Variants in VDAC1 observed in about 807,000 individuals in gnomAD.
VDAC1 encodes the protein non-selective voltage-gated ion channel VDAC1.
In VDAC1, 10 loss-of-function variants were observed where a neutral mutation model predicts 34.7. The ratio of observed to expected loss-of-function variants is 0.29; its 90% CI spans 0.18 to 0.49. The LOEUF (loss-of-function observed/expected upper bound fraction) is 0.49, where lower values mean the gene tolerates loss of function less well. Among genes scored for constraint, VDAC1 ranks in the 20% least tolerant of loss-of-function variants. VDAC1 has a pLI of 0.99. For synonymous variants in VDAC1, 130 were observed against 136.0 expected (o/e 0.96, Z 0.30); for missense variants, 230 against 347.9 (o/e 0.66, Z 2.69).
At chr5:134,066,682 T>C in the VDAC1 span, among the ~76,000 whole-genome samples, 1 of 152,232 alleles carries the variant, frequency 6.6e-6, no homozygotes, top group African/African-American at 2.4e-5. Flanking sequence ...TGCTCTGTCA[T>C]CTTCAATACA....
At chr5:134,020,194 G>C in the VDAC1 span, among the ~76,000 whole-genome samples, 6 of 151,928 alleles carry the variant, frequency 3.9e-5, no homozygotes, top group Admixed American at 1.3e-4. Flanking sequence ...CCAAGCCACA[G>C]ATAAAGCCTT....
At chr5:134,071,465 A>G in the VDAC1 span, among the ~76,000 whole-genome samples, 1 of 151,762 alleles carries the variant, frequency 6.6e-6, no homozygotes, top group African/African-American at 2.4e-5. The surrounding 1 kb of genome is among the most constrained non-coding windows in gnomAD (Gnocchi z 4.1). Context: ...CACGCCTCCA[A>G]CCCACCCTGT....
At chr5:134,001,715 TAA>T (rs10717143) in intron 1 of VDAC1, among the ~76,000 whole-genome samples, 1,903 of 110,422 alleles carry the variant, frequency 0.017, 47 homozygotes, top group African/African-American at 0.061. Flanking sequence ...AGACTCCATC[TAA>T]AAAAAAAAAA....
the VDAC1 span, among the ~76,000 whole-genome samples, chr5:134,034,685 T>C: frequency 7.2e-5 from 11 of 152,088 alleles, no homozygotes; most frequent in South Asian, 2.1e-4. Flanking sequence ...TGGTAACTTG[T>C]GCGGCCCTGG....
the VDAC1 span, among the ~76,000 whole-genome samples, chr5:134,112,009 G>C: frequency 2.0e-5 from 3 of 152,226 alleles, no homozygotes; most frequent in East Asian, 5.8e-4. Flanking sequence ...CTGGCACATA[G>C]TAATCACTCA....
chr5:134,100,714 T>A, the VDAC1 span, among the ~76,000 whole-genome samples: 1 of 152,216 alleles, frequency 6.6e-6, no homozygotes. Context: ...TCTGTTTCAC[T>A]CCTTTAAAAA....
At chr5:133,988,595 C>A (rs1237899603) in intron 5 of VDAC1, among the ~76,000 whole-genome samples, 1 of 151,980 alleles carries the variant, frequency 6.6e-6, no homozygotes, top group African/African-American at 2.4e-5. Flanking sequence ...AAACCCCCGT[C>A]TCCACTAAAA....
At chr5:134,093,304 T>A in the VDAC1 span, among the ~76,000 whole-genome samples, 1 of 152,042 alleles carries the variant, frequency 6.6e-6, no homozygotes, top group Non-Finnish European at 1.5e-5. Flanking sequence ...ATTGGGAGTG[T>A]GAGGTATGGT....
the VDAC1 span, among the ~76,000 whole-genome samples, chr5:134,044,668 C>G: frequency 6.6e-6 from 1 of 152,022 alleles, no homozygotes; most frequent in Non-Finnish European, 1.5e-5. Flanking sequence ...TGTGTGCGCG[C>G]GCGCACAGGT....
At chr5:134,054,303 G>C in the VDAC1 span, among the ~76,000 whole-genome samples, 1 of 152,242 alleles carries the variant, frequency 6.6e-6, no homozygotes, top group East Asian at 1.9e-4. Context: ...CAGCAGGCAG[G>C]AACAAGGTGC....
At chr5:134,042,371 C>T in the VDAC1 span, among the ~76,000 whole-genome samples, 1 of 152,224 alleles carries the variant, frequency 6.6e-6, no homozygotes, top group Admixed American at 6.5e-5. Context: ...CCTGTCTTGC[C>T]ATCCCTTGCC....
At chr5:133,976,940 G>C (rs1289166828) in intron 6 of VDAC1, among the ~76,000 whole-genome samples, 3 of 151,918 alleles carry the variant, frequency 2.0e-5, no homozygotes, top group Non-Finnish European at 4.4e-5. Context: ...GCAACCTGGG[G>C]GGGTGAGGCA....
At chr5:134,078,689 C>T in the VDAC1 span, among the ~76,000 whole-genome samples, 4 of 124,660 alleles carry the variant, frequency 3.2e-5, no homozygotes, top group East Asian at 2.4e-4. Context: ...TTGCTCTTGT[C>T]GCCCAGGCTG....
At chr5:134,026,296 A>T in the VDAC1 span, among the ~76,000 whole-genome samples, 1 of 152,122 alleles carries the variant, frequency 6.6e-6, no homozygotes, top group Non-Finnish European at 1.5e-5. Context: ...TCACGAGGTC[A>T]GAAGATCAAG....
intron 1 of VDAC1, among the ~76,000 whole-genome samples, chr5:134,004,320 A>ACGCGCGGCCCGCCGGGCCTC (rs1753676256): frequency 6.6e-6 from 1 of 151,764 alleles, no homozygotes; most frequent in African/African-American, 2.4e-5. Flanking sequence ...GGTCACCTAG[A>ACGCGCGGCCCGCCGGGCCTC]CGCGCGGCCC....
At chr5:134,029,643 T>C in the VDAC1 span, among the ~76,000 whole-genome samples, 3 of 152,248 alleles carry the variant, frequency 2.0e-5, no homozygotes, top group Admixed American at 2.0e-4. Flanking sequence ...TTAATTTTAA[T>C]AAATTAAACT....
chr5:134,045,701 G>T, the VDAC1 span, among the ~76,000 whole-genome samples: 2 of 151,584 alleles, frequency 1.3e-5, no homozygotes, highest in Non-Finnish European at 2.9e-5. Flanking sequence ...TTGAGATGGG[G>T]TTTCACTCTT....
At chr5:133,994,495 G>C (rs940999926) in intron 1 of VDAC1, among the ~76,000 whole-genome samples, 4 of 152,094 alleles carry the variant, frequency 2.6e-5, no homozygotes, top group Non-Finnish European at 5.9e-5. Context: ...GAGAGATGAG[G>C]GGGGAAGATC....
chr5:134,004,317 T>A (rs1042926631), intron 1 of VDAC1, among the ~76,000 whole-genome samples: 2 of 151,856 alleles, frequency 1.3e-5, no homozygotes. Flanking sequence ...GAAGGTCACC[T>A]AGACGCGCGG....
Sources: gnomAD v4.1 joint callset for allele counts (sites outside exome capture counted in the v4.1 genomes callset) on GRCh38, gnomAD v4.1.1 for gene constraint, Gnocchi (gnomAD v3.1) non-coding constraint, MANE v1.5 for transcripts, NCBI Gene and HGNC (gene_info 2026-07-23, HGNC 2026-07-21) for gene names.